The following PSD2 variants were observed in gnomAD, a reference collection of about 807,000 sequenced individuals.
The protein encoded by PSD2 is PH and SEC7 domain-containing protein 2.
Under a neutral mutation model 69.8 loss-of-function variants are expected in PSD2, and 38 were observed. The ratio of observed to expected loss-of-function variants is 0.54; its 90% CI spans 0.42 to 0.71. PSD2 has a LOEUF of 0.71. PSD2 is among the 30% of genes least tolerant of loss of function. The pLI is 0.00. For missense variants in PSD2, 943 were observed against 1,014.5 expected, an observed-to-expected ratio of 0.93 and a Z score of 0.96; for synonymous variants, 412 against 423.0, an observed-to-expected ratio of 0.97 and a Z score of 0.32.
At chr5:139,802,259 G>A (rs1387418865) in intron 1 of PSD2, among the ~76,000 whole-genome samples, 1 of 151,954 alleles carries the variant, frequency 6.6e-6, no homozygotes, top group Non-Finnish European at 1.5e-5. Flanking sequence ...GAGAATGTGA[G>A]GACTTAGAGG....
chr5:139,826,123 G>A (rs1432882609), intron 7 of PSD2, among the ~76,000 whole-genome samples: 1 of 152,210 alleles, frequency 6.6e-6, no homozygotes, highest in African/African-American at 2.4e-5. Context: ...GGTTGGAGTG[G>A]TCATGGGTGG....
At chr5:139,840,863 T>A (rs1305708970) in intron 14 of PSD2, among the ~76,000 whole-genome samples, 2 of 152,182 alleles carry the variant, frequency 1.3e-5, no homozygotes, top group Non-Finnish European at 2.9e-5. Context: ...CATTACTATT[T>A]TAATTTGGAT....
intron 1 of PSD2, among the ~76,000 whole-genome samples, chr5:139,807,992 G>A (rs61234485): frequency 0.023 from 3,475 of 152,324 alleles, 135 homozygotes; most frequent in African/African-American, 0.076. Context: ...AGTATAGGAA[G>A]TTTGAGCCTC....
chr5:139,744,083 TG>T, the PSD2 span, among the ~76,000 whole-genome samples: 3 of 152,196 alleles, frequency 2.0e-5, no homozygotes, highest in African/African-American at 4.8e-5. Context: ...CTCCTGGCTC[TG>T]GGAAGTTGAC....
At chr5:139,762,155 G>T in the PSD2 span, among the ~76,000 whole-genome samples, 1 of 150,232 alleles carries the variant, frequency 6.7e-6, no homozygotes, top group Non-Finnish European at 1.5e-5. Flanking sequence ...CAAGTCTCCT[G>T]CCTCAACCTC....
intron 3 of PSD2, among the ~76,000 whole-genome samples, 158 bp downstream of exon 3, chr5:139,813,916 C>T (rs1304441220): frequency 6.6e-6 from 1 of 152,220 alleles, no homozygotes; most frequent in African/African-American, 2.4e-5. Context: ...CACCCTGTGT[C>T]CTGAGGTTTC....
the PSD2 span, among the ~76,000 whole-genome samples, chr5:139,765,115 A>G: frequency 6.6e-6 from 1 of 150,628 alleles, no homozygotes; most frequent in Non-Finnish European, 1.5e-5. Context: ...CCCCAGACCC[A>G]CTCAGTACTT....
chr5:139,833,429 C>A (rs891033111), intron 7 of PSD2, among the ~76,000 whole-genome samples: 3 of 152,112 alleles, frequency 2.0e-5, no homozygotes, highest in African/African-American at 7.2e-5. Flanking sequence ...AGGCACCTGG[C>A]AAATGTCAGC....
chr5:139,763,165 T>A, the PSD2 span, among the ~76,000 whole-genome samples: 2 of 152,102 alleles, frequency 1.3e-5, no homozygotes, highest in Admixed American at 1.3e-4. Context: ...AGGAGGGGTC[T>A]GGAAGAAACA....
At chr5:139,768,735 A>AC in the PSD2 span, among the ~76,000 whole-genome samples, 1 of 151,832 alleles carries the variant, frequency 6.6e-6, no homozygotes, top group Non-Finnish European at 1.5e-5. Context: ...AAAAAAAAAA[A>AC]AAACAACACC....
At chr5:139,783,095 A>T in the PSD2 span, among the ~76,000 whole-genome samples, 1 of 152,142 alleles carries the variant, frequency 6.6e-6, no homozygotes, top group African/African-American at 2.4e-5. Flanking sequence ...TTGGAATCAC[A>T]CAGCATTTGT....
chr5:139,775,671 TTTC>T, the PSD2 span, among the ~76,000 whole-genome samples: 1 of 152,170 alleles, frequency 6.6e-6, no homozygotes, highest in African/African-American at 2.4e-5. Flanking sequence ...CTCCTTCTCC[TTTC>T]TTCTTCCTTT....
At chr5:139,768,689 C>T in the PSD2 span, among the ~76,000 whole-genome samples, 12 of 151,078 alleles carry the variant, frequency 7.9e-5, no homozygotes, top group African/African-American at 2.9e-4. Context: ...AGCCATTGCA[C>T]TCCAGCCTGG....
intron 6 of PSD2, 128 bp from the exon 7 acceptor site, chr5:139,822,598 C>T (rs548206109): frequency 1.4e-6 from 1 of 710,610 alleles, no homozygotes; most frequent in Admixed American, 3.1e-5. Context: ...GGCCCTGTCC[C>T]CTGAGGTGAG....
At chr5:139,829,062 G>A (rs910648270) in intron 7 of PSD2, among the ~76,000 whole-genome samples, 5 of 152,326 alleles carry the variant, frequency 3.3e-5, no homozygotes, top group East Asian at 1.9e-4. Flanking sequence ...GCCCCAAATC[G>A]TGGACCTCCC....
At chr5:139,831,846 C>T (rs1451662376) in intron 7 of PSD2, among the ~76,000 whole-genome samples, 1 of 152,116 alleles carries the variant, frequency 6.6e-6, no homozygotes, top group Non-Finnish European at 1.5e-5. Flanking sequence ...TTAGTATTTT[C>T]TTTCTTAATT....
chr5:139,774,364 G>C, the PSD2 span, among the ~76,000 whole-genome samples: 2 of 152,210 alleles, frequency 1.3e-5, no homozygotes, highest in Non-Finnish European at 2.9e-5. Context: ...CTGAAGTGTG[G>C]AGTGAGCACT....
chr5:139,764,403 C>T, the PSD2 span, among the ~76,000 whole-genome samples: 1 of 152,178 alleles, frequency 6.6e-6, no homozygotes, highest in African/African-American at 2.4e-5. Context: ...TCCGTGTGCC[C>T]CTGGGAGTGT....
At chr5:139,821,533 G>A (rs968317257) in intron 5 of PSD2, among the ~76,000 whole-genome samples, 1 of 152,202 alleles carries the variant, frequency 6.6e-6, no homozygotes, top group African/African-American at 2.4e-5. Flanking sequence ...GGGCAGGCAG[G>A]GACAGGGTCC....
Sources: gnomAD v4.1 joint callset for allele counts (sites outside exome capture counted in the v4.1 genomes callset) on GRCh38, gnomAD v4.1.1 for gene constraint, MANE v1.5 for transcripts, NCBI Gene and HGNC (gene_info 2026-07-23, HGNC 2026-07-21) for gene names.